The following PAX5 variants were observed in gnomAD, a reference collection of about 807,000 sequenced individuals.
The protein encoded by PAX5 is paired box 5.
Under a neutral mutation model 43.7 loss-of-function variants are expected in PAX5, and 9 were observed. The ratio of observed to expected loss-of-function variants is 0.21; its 90% confidence interval spans 0.12 to 0.36. The LOEUF (loss-of-function observed/expected upper bound fraction) is 0.36, where lower values mean the gene tolerates loss of function less well. PAX5 is among the 10% of genes least tolerant of loss of function. PAX5 has a pLI of 1.00. For synonymous variants in PAX5, 228 were observed against 214.3 expected (o/e 1.06, Z -0.56); for missense variants, 383 against 532.7 (o/e 0.72, Z 2.77).
At chr9:37,013,257 T>A (rs1488270891) in intron 3 of PAX5, among the ~76,000 whole-genome samples, 1 of 152,192 alleles carries the variant, frequency 6.6e-6, no homozygotes, top group Non-Finnish European at 1.5e-5. Flanking sequence ...ACTGCCCCTT[T>A]AATCGGACTT....
At position 37,034,190 on chromosome 9, in the gene PAX5, T is replaced by C. The variant is rs1308866839; in HGVS notation, c.-159A>G. 1.7e-6 allele frequency: 1 copy of C among 588,084 alleles called. No individual in the cohort carries two copies. The highest frequency in any genetic ancestry group is 2.9e-6 in the Non-Finnish European group (1 of 344,328). The allele number at this position is 588,084 out of a possible 1,614,324, so 36.4% of individuals were successfully genotyped here. On this transcript the variant is annotated 5_prime_UTR_variant, in exon 1 of 10. Transcript: ENST00000358127. ...CTTCCGCTCCCCCGCCGAGCTGGGG[T>C]AGCTGATCACTGAGCTGAAACTAAA... is the stretch of plus-strand genomic sequence containing the variant.
intron 5 of PAX5, among the ~76,000 whole-genome samples, chr9:36,991,834 A>G (rs1054427645): frequency 8.5e-6 from 1 of 118,262 alleles, no homozygotes; most frequent in African/African-American, 2.8e-5. Context: ...TCAAGAGGCT[A>G]TGCCTTTCTT....
chr9:36,960,627 A>G (rs923511897), intron 6 of PAX5, among the ~76,000 whole-genome samples: 1 of 152,206 alleles, frequency 6.6e-6, no homozygotes, highest in Non-Finnish European at 1.5e-5. Context: ...GTTGCTTCCA[A>G]GGTGAGCAGA....
intron 3 of PAX5, among the ~76,000 whole-genome samples, chr9:37,010,623 C>T (rs371532723): frequency 3.3e-5 from 5 of 152,146 alleles, no homozygotes; most frequent in South Asian, 2.1e-4. Context: ...CCACGCCCCC[C>T]GCCCCACCAC....
intron 5 of PAX5, among the ~76,000 whole-genome samples, chr9:36,979,733 C>T (rs765069662): frequency 3.0e-4 from 45 of 152,264 alleles, no homozygotes; most frequent in Non-Finnish European, 5.0e-4. Context: ...CCCAGTGAGG[C>T]CAATCTCCAG....
chr9:36,909,354 T>C (rs1458615904), intron 7 of PAX5, among the ~76,000 whole-genome samples: 3 of 152,228 alleles, frequency 2.0e-5, no homozygotes, highest in Non-Finnish European at 4.4e-5. Context: ...GATGAAACGC[T>C]GTGTTGCTGC....
chr9:37,028,465 C>T (rs1043748960), intron 1 of PAX5, among the ~76,000 whole-genome samples: 4 of 152,226 alleles, frequency 2.6e-5, no homozygotes, highest in Non-Finnish European at 4.4e-5. Flanking sequence ...ATATCTCACA[C>T]TCCTTTAAAG....
At chr9:36,895,456 G>A (rs887921858) in intron 7 of PAX5, among the ~76,000 whole-genome samples, 8 of 152,306 alleles carry the variant, frequency 5.3e-5, no homozygotes, top group Admixed American at 5.2e-4. Flanking sequence ...AAAAGGTCTG[G>A]AGCAGATTCT....
intron 7 of PAX5, among the ~76,000 whole-genome samples, chr9:36,897,869 C>T (rs1828006422): frequency 2.0e-5 from 3 of 152,218 alleles, no homozygotes; most frequent in Non-Finnish European, 4.4e-5. Flanking sequence ...GCTCTGCAGA[C>T]TTGGCCAAAG....
At chr9:36,951,785 A>T (rs558010433) in intron 6 of PAX5, among the ~76,000 whole-genome samples, 12 of 151,930 alleles carry the variant, frequency 7.9e-5, no homozygotes, top group Non-Finnish European at 1.8e-4. Flanking sequence ...CTTCTATTGG[A>T]TCCACTAAGT....
At chr9:36,999,395 C>G (rs1181230399) in intron 5 of PAX5, among the ~76,000 whole-genome samples, 1 of 152,206 alleles carries the variant, frequency 6.6e-6, no homozygotes, top group African/African-American at 2.4e-5. Context: ...CACCCACTGC[C>G]CTCCTCATCA....
At chr9:36,867,057 TGGTG>T (rs377142849) in intron 8 of PAX5, among the ~76,000 whole-genome samples, 746 of 66,378 alleles carry the variant, frequency 0.011, 9 homozygotes, top group African/African-American at 0.037. Flanking sequence ...CTGGATGGGG[TGGTG>T]GGGGGGGGGC....
chr9:36,972,768 C>G (rs1233435601), intron 5 of PAX5, among the ~76,000 whole-genome samples: 1 of 152,178 alleles, frequency 6.6e-6, no homozygotes, highest in Non-Finnish European at 1.5e-5. Context: ...TGGCTTATGC[C>G]TATAATCCCA....
At chr9:36,848,350 C>CCCCCCACACACACACACACACA (rs1554646826) in intron 8 of PAX5, among the ~76,000 whole-genome samples, 1 of 136,366 alleles carries the variant, frequency 7.3e-6, no homozygotes, top group African/African-American at 2.9e-5. Flanking sequence ...CAGAGCGTGT[C>CCCCCCACACACACACACACACA]CACACACACA....
intron 6 of PAX5, among the ~76,000 whole-genome samples, chr9:36,956,788 C>T (rs1833519224): frequency 2.0e-5 from 3 of 152,162 alleles, no homozygotes; most frequent in African/African-American, 7.2e-5. Context: ...ATCCTTGGGT[C>T]ACTTTGAGAT....
intron 8 of PAX5, among the ~76,000 whole-genome samples, chr9:36,865,690 T>G (rs1824802744): frequency 6.6e-6 from 1 of 152,226 alleles, no homozygotes; most frequent in South Asian, 2.1e-4. Context: ...TAGCGGAGTT[T>G]ATTTGCCAAC....
In PAX5 at chr9:37,006,537, C is replaced by T; in HGVS notation, c.411G>A (p.Arg137=). Residue 137 remains arginine, a splice_region_variant and synonymous_variant, in exon 4 of 10, where the codon AGG becomes AGA. Transcript: ENST00000358127. ...DTVPSVSSIN[R]IIRTKVQQPP... ...GCTGCTGTACTTTTGTCCGGATGATCCTGTGGGCAGTTGAAAAACAAAATT... is the reference window on the plus strand; with the variant it reads ...GCTGCTGTACTTTTGTCCGGATGATTCTGTGGGCAGTTGAAAAACAAAATT... 1 of 1,613,878 alleles carries T rather than the reference C, an allele frequency of 6.2e-7. No individual in the cohort carries two copies. The highest frequency in any genetic ancestry group is 2.2e-5 in the East Asian group (1 of 44,884).
At chr9:37,032,316 G>A (rs1323175119) in intron 1 of PAX5, among the ~76,000 whole-genome samples, 1 of 152,130 alleles carries the variant, frequency 6.6e-6, no homozygotes, top group Non-Finnish European at 1.5e-5. Flanking sequence ...CGAGGACTGC[G>A]CAGACCCTCT....
chr9:36,981,456 AG>A (rs1835941713), intron 5 of PAX5, among the ~76,000 whole-genome samples: 1 of 146,978 alleles, frequency 6.8e-6, no homozygotes, highest in South Asian at 2.2e-4. Context: ...AACAAAAAAC[AG>A]GTACAAAGGA....
Sources: gnomAD v4.1 joint callset for allele counts (sites outside exome capture counted in the v4.1 genomes callset) on GRCh38, gnomAD v4.1.1 for gene constraint, MANE v1.5 for transcripts, NCBI Gene and HGNC (gene_info 2026-07-23, HGNC 2026-07-21) for gene names.